The following AXDND1 variants were observed in gnomAD, a reference collection of about 807,000 sequenced individuals.
The protein encoded by AXDND1 is axonemal dynein light chain domain containing 1.
A neutral mutation model predicts 137.5 loss-of-function variants in AXDND1; 110 were observed. The observed-to-expected ratio is 0.80, with a 90% CI of 0.69 to 0.94. The LOEUF (loss-of-function observed/expected upper bound fraction) is 0.94. Among genes scored for constraint, AXDND1 ranks in the 40% least tolerant of loss-of-function variants. AXDND1 has a pLI of 0.00. For missense variants in AXDND1, 1,191 were observed against 1,169.8 expected (o/e 1.02, Z -0.26); for synonymous variants, 414 against 399.7 (o/e 1.04, Z -0.43).
At chr1:179,415,343 A>G (rs149101679) in intron 12 of AXDND1, among the ~76,000 whole-genome samples, 3,025 of 152,250 alleles carry the variant, frequency 0.02, 107 homozygotes, top group African/African-American at 0.069. Flanking sequence ...CTGCATCTCA[A>G]AAAACAAAAC....
intron 11 of AXDND1, among the ~76,000 whole-genome samples, chr1:179,407,903 T>A (rs566296245): frequency 9.8e-5 from 15 of 152,344 alleles, no homozygotes; most frequent in African/African-American, 3.6e-4. Context: ...TTGGTCACTT[T>A]ATGGTGTCCC....
At chr1:179,476,230 T>A (rs895281018) in intron 17 of AXDND1, among the ~76,000 whole-genome samples, 1 of 152,216 alleles carries the variant, frequency 6.6e-6, no homozygotes, top group African/African-American at 2.4e-5. Flanking sequence ...ATTATAAATT[T>A]ACCATCTGTC....
intron 11 of AXDND1, among the ~76,000 whole-genome samples, chr1:179,408,197 G>A (rs925570968): frequency 2.6e-4 from 39 of 151,708 alleles, no homozygotes; most frequent in African/African-American, 9.2e-4. Flanking sequence ...TTCTTTATCT[G>A]TGTGTCTTGT....
chr1:179,408,178 T>G (rs557558463), intron 11 of AXDND1, among the ~76,000 whole-genome samples: 4 of 152,278 alleles, frequency 2.6e-5, no homozygotes, highest in Admixed American at 6.5e-5. Context: ...TTTTCCTGAT[T>G]TATTTGTGTT....
At chr1:179,415,781 T>G (rs1438561137) in intron 12 of AXDND1, among the ~76,000 whole-genome samples, 1 of 152,116 alleles carries the variant, frequency 6.6e-6, no homozygotes, top group Non-Finnish European at 1.5e-5. Flanking sequence ...CTCTGCTCGC[T>G]GCAACCTCCA....
intron 2 of AXDND1, among the ~76,000 whole-genome samples, chr1:179,367,924 T>C (rs927217015): frequency 6.6e-6 from 1 of 152,132 alleles, no homozygotes; most frequent in African/African-American, 2.4e-5. Flanking sequence ...GTTAAAGCTT[T>C]TCCCATCTCA....
intron 15 of AXDND1, among the ~76,000 whole-genome samples, chr1:179,443,170 T>C (rs887244521): frequency 2.6e-5 from 4 of 152,208 alleles, no homozygotes; most frequent in South Asian, 2.1e-4. Context: ...TGTGAGTTTG[T>C]TCACATCTTG....
intron 20 of AXDND1, among the ~76,000 whole-genome samples, chr1:179,493,890 T>A (rs1396220372): frequency 6.6e-6 from 1 of 152,188 alleles, no homozygotes. Context: ...TTTACACTCT[T>A]GCCAGCAGTA....
intron 10 of AXDND1, 79 bp downstream of exon 10, chr1:179,394,122 A>C: frequency 7.0e-7 from 1 of 1,420,644 alleles, no homozygotes; most frequent in Non-Finnish European, 9.3e-7. Context: ...ATTTAGGGAA[A>C]GTGGAATGGT....
chr1:179,505,156 T>G (rs779534069), intron 20 of AXDND1, among the ~76,000 whole-genome samples: 2 of 152,240 alleles, frequency 1.3e-5, no homozygotes, highest in Non-Finnish European at 2.9e-5. Flanking sequence ...CTCATCCACA[T>G]CCCACAAGGT....
chr1:179,532,418 G>A (rs527750294), intron 23 of AXDND1, among the ~76,000 whole-genome samples: 1 of 152,116 alleles, frequency 6.6e-6, no homozygotes, highest in South Asian at 2.1e-4. Flanking sequence ...TCTTTTAAAA[G>A]AACAAATAAG....
chr1:179,446,426 T>C lies in AXDND1; in HGVS notation c.1798+1222T>C, dbSNP rs142820846. ...GTGAAGTAACATTCTATATAAGTGG[T>C]TCTCAAACTTTAGTGTGATTAGGGA... On this transcript the variant is annotated intron_variant, in intron 16 of 25. Transcript: ENST00000367618. 3.2e-4 allele frequency among the ~76,000 whole-genome samples: 48 copies of C among 152,354 alleles called. 1 individual carries two copies. Among genetic ancestry groups the C allele is most frequent in the African/African-American group, 1.1e-3 (47 of 41,582 alleles).
In AXDND1 at chr1:179,375,664, A is replaced by G. The variant is rs140720538; in HGVS notation, c.375-2973A>G. On this transcript the variant is annotated intron_variant, in intron 4 of 25. Coordinates refer to ENST00000367618, the MANE Select transcript of AXDND1 (RefSeq NM_144696.6). ...GAAGCATTCATCATTTTTAGCTAACAAAACAATTGTAATGGCCAACTTCTC... is the reference window on the plus strand; with the variant it reads ...GAAGCATTCATCATTTTTAGCTAACGAAACAATTGTAATGGCCAACTTCTC... Among the ~76,000 whole-genome samples the G allele has an allele frequency of 1.8e-4, 27 of 152,180 alleles. No individual in the cohort carries two copies. The East Asian group carries it at 5.2e-3, about 29-fold the overall frequency.
intron 21 of AXDND1, among the ~76,000 whole-genome samples, chr1:179,515,312 A>T (rs1162554395): frequency 6.6e-6 from 1 of 152,100 alleles, no homozygotes; most frequent in Non-Finnish European, 1.5e-5. Context: ...AAAAGACTAT[A>T]TCTTTCCTTC....
chr1:179,459,388 A>G (rs1661886641), intron 16 of AXDND1, among the ~76,000 whole-genome samples: 1 of 152,180 alleles, frequency 6.6e-6, no homozygotes, highest in Non-Finnish European at 1.5e-5. Context: ...TCTAAAATTA[A>G]TACATAGGAT....
chr1:179,432,349 C>CTTTT lies in AXDND1; in HGVS notation c.1563+9_1563+12dup. ...CTTCAAACAGTGGCAGAAGGTAAGA[C>CTTTT]TTTTTAATAAAGAGCTTGGCAATCA... On this transcript the variant is annotated splice_region_variant and intron_variant, in intron 15 of 25. Transcript: ENST00000367618. 1 of 1,558,158 alleles carries CTTTT rather than the reference C, an allele frequency of 6.4e-7. No individual in the cohort carries two copies. Among genetic ancestry groups the CTTTT allele is most frequent in the African/African-American group, 1.4e-5 (1 of 72,684 alleles).
rs199703017 is a variant in AXDND1 at position 179,421,367 on chromosome 1, C to CTTTTT, written c.1231-8126_1231-8122dup. On this transcript the variant is annotated intron_variant, in intron 12 of 25. Coordinates refer to ENST00000367618, the MANE Select transcript of AXDND1 (RefSeq NM_144696.6). The stretch of plus-strand genomic sequence containing the variant: ...CTTCCTTCCTTTTCTTTTTCTTTTC[C>CTTTTT]TTTTTTTTTTTTTTTTTTTTTTTTT... Among the ~76,000 whole-genome samples the CTTTTT allele has an allele frequency of 2.5e-4, 27 of 107,228 alleles. 1 individual carries two copies. Among genetic ancestry groups the CTTTTT allele is most frequent in the African/African-American group, 9.5e-4 (23 of 24,312 alleles). The allele number at this position is 107,228 out of a possible 152,430, so 70.3% of individuals were successfully genotyped here.
intron 6 of AXDND1, among the ~76,000 whole-genome samples, chr1:179,380,730 A>G (rs1373942017): frequency 6.6e-6 from 1 of 152,154 alleles, no homozygotes; most frequent in Non-Finnish European, 1.5e-5. Flanking sequence ...TTGTGATGGT[A>G]TGTTTCAGAA....
At chr1:179,532,150 A>G (rs1312156682) in intron 23 of AXDND1, among the ~76,000 whole-genome samples, 1 of 152,190 alleles carries the variant, frequency 6.6e-6, no homozygotes, top group Non-Finnish European at 1.5e-5. Context: ...AAGCTCTCCT[A>G]TTGAAGGACT....
Sources: allele counts gnomAD v4.1 joint callset (sites outside exome capture counted in the v4.1 genomes callset), GRCh38; gene constraint gnomAD v4.1.1; transcripts MANE v1.5; gene names NCBI Gene and HGNC (gene_info 2026-07-23, HGNC 2026-07-21).